Variants in ANKRD13C observed in about 807,000 individuals in gnomAD.
ANKRD13C encodes the protein ankyrin repeat domain-containing protein 13C.
ANKRD13C carries 16 observed loss-of-function variants against 65.5 expected under a neutral mutation model. That is an observed-to-expected ratio of 0.24 (90% CI 0.17 to 0.37). ANKRD13C has a LOEUF of 0.37. Among genes scored for constraint, ANKRD13C ranks in the 10% least tolerant of loss-of-function variants. The pLI is 1.00. For synonymous variants in ANKRD13C, 235 were observed against 238.7 expected (o/e 0.98, Z 0.14); for missense variants, 503 against 655.9 (o/e 0.77, Z 2.55).
intron 8 of ANKRD13C, among the ~76,000 whole-genome samples, chr1:70,294,118 T>C (rs1679975385): frequency 6.6e-6 from 1 of 151,986 alleles, no homozygotes; most frequent in Non-Finnish European, 1.5e-5. Flanking sequence ...TACGACATAC[T>C]AAAGAATGAG....
At chr1:70,285,283 C>G (rs1406588935) in intron 9 of ANKRD13C, among the ~76,000 whole-genome samples, 1 of 151,012 alleles carries the variant, frequency 6.6e-6, no homozygotes, top group Admixed American at 6.6e-5. Flanking sequence ...ACCTCTGCCC[C>G]CTGGGTTCAA....
chr1:70,349,226 C>T lies in ANKRD13C; in HGVS notation c.430+4753G>A, dbSNP rs147953606. Among the ~76,000 whole-genome samples the T allele has an allele frequency of 3.2e-3, 490 of 152,232 alleles. 4 individuals are homozygous for T. Among genetic ancestry groups the T allele is most frequent in the Middle Eastern group, 0.01 (3 of 292 alleles). ...AAAAATTGATTCAGAAAAATCCTTA[C>T]ACTCTGACTATGGAAAAAGGCTTAG... On this transcript the variant is annotated intron_variant, in intron 1 of 12. Coordinates refer to ENST00000370944, the MANE Select transcript of ANKRD13C (RefSeq NM_030816.5).
rs1273559569 is a variant in ANKRD13C at position 70,330,053 on chromosome 1, C to T, written c.473-5096G>A. ...TGCAGTGAGCCGAGATGCACCACTGCACTCCAGCCTGGGTGGCAGGGCGAT... is the reference window on the plus strand; with the variant it reads ...TGCAGTGAGCCGAGATGCACCACTGTACTCCAGCCTGGGTGGCAGGGCGAT... On this transcript the variant is annotated intron_variant, in intron 2 of 12. Transcript: ENST00000370944. Among the ~76,000 whole-genome samples the T allele has an allele frequency of 5.3e-5, 8 of 149,542 alleles. No individual in the cohort carries two copies. The East Asian group carries it at 1.4e-3, about 26-fold the overall frequency.
chr1:70,295,461 TG>T (rs1411327721), intron 8 of ANKRD13C, among the ~76,000 whole-genome samples: 1 of 152,142 alleles, frequency 6.6e-6, no homozygotes, highest in Non-Finnish European at 1.5e-5. Flanking sequence ...TTGGCCAGGC[TG>T]GTCTCGAACT....
At chr1:70,290,763 G>T (rs1286084744) in intron 9 of ANKRD13C, among the ~76,000 whole-genome samples, 1 of 151,706 alleles carries the variant, frequency 6.6e-6, no homozygotes, top group Non-Finnish European at 1.5e-5. Flanking sequence ...TTGCTCTGTT[G>T]CCCAGGCTGG....
intron 11 of ANKRD13C, 137 bp from the exon 12 acceptor site, chr1:70,271,093 T>G: frequency 5.3e-6 from 3 of 567,910 alleles, no homozygotes; most frequent in Non-Finnish European, 6.3e-6. Flanking sequence ...ACAGACTTTA[T>G]TCCTCCTAAC....
intron 2 of ANKRD13C, among the ~76,000 whole-genome samples, chr1:70,332,379 A>T (rs1307897117): frequency 6.6e-6 from 1 of 152,216 alleles, no homozygotes; most frequent in Admixed American, 6.5e-5. Context: ...TTTCTTCTAA[A>T]TACCTTTCAA....
intron 9 of ANKRD13C, among the ~76,000 whole-genome samples, chr1:70,283,329 A>C (rs920652696): frequency 1.3e-5 from 2 of 152,190 alleles, no homozygotes; most frequent in Non-Finnish European, 2.9e-5. Flanking sequence ...TTGGCTCTGT[A>C]ATTGAAATGC....
intron 3 of ANKRD13C, among the ~76,000 whole-genome samples, chr1:70,317,328 C>T (rs1225613183): frequency 6.6e-6 from 1 of 152,094 alleles, no homozygotes; most frequent in East Asian, 1.9e-4. Context: ...AAATACGAAC[C>T]TACATTTCTG....
At chr1:70,274,593 T>C in intron 11 of ANKRD13C, 127 bp downstream of exon 11, 1 of 679,532 alleles carries the variant, frequency 1.5e-6, no homozygotes, top group Non-Finnish European at 2.6e-6. Context: ...GCACACACTA[T>C]CAAGGCAATG....
intron 2 of ANKRD13C, among the ~76,000 whole-genome samples, chr1:70,335,819 G>T (rs767256352): frequency 1.3e-5 from 2 of 150,908 alleles, no homozygotes; most frequent in African/African-American, 2.4e-5. Flanking sequence ...AACCAAGTAA[G>T]GGGAAAAAAA....
rs1185836877 is a variant in ANKRD13C, at chr1:70,312,683, T to C, written c.709+1062A>G. On this transcript the variant is annotated intron_variant, in intron 5 of 12. Coordinates refer to ENST00000370944, the MANE Select transcript of ANKRD13C (RefSeq NM_030816.5). ...CTCTGTCTCCAAAAAAAAAAAAAAA[T>C]TAATTTAGATGCTTCAACAAAAACT... 1.1e-4 allele frequency among the ~76,000 whole-genome samples: 17 copies of C among 148,066 alleles called. No homozygotes were observed. In the South Asian group the frequency reaches 2.0e-3, roughly 17 times the overall value.
At chr1:70,323,106 C>A (rs1681381247) in intron 3 of ANKRD13C, among the ~76,000 whole-genome samples, 1 of 152,142 alleles carries the variant, frequency 6.6e-6, no homozygotes, top group Admixed American at 6.5e-5. Flanking sequence ...GAGGAAGTTT[C>A]TTCAGACCAG....
chr1:70,266,825 T>TTA (rs1260696627), intron 12 of ANKRD13C, among the ~76,000 whole-genome samples: 1 of 152,200 alleles, frequency 6.6e-6, no homozygotes, highest in African/African-American at 2.4e-5. Context: ...TTCGGTTCTT[T>TTA]TATATATATT....
At chr1:70,344,642 T>C (rs968844897) in intron 1 of ANKRD13C, among the ~76,000 whole-genome samples, 1 of 152,106 alleles carries the variant, frequency 6.6e-6, no homozygotes, top group Non-Finnish European at 1.5e-5. Context: ...GACCTAATAA[T>C]AGTTATTTTC....
Position 70,292,428 on chromosome 1 carries a change from C to G in ANKRD13C, c.1175G>C (p.Ser392Thr). 6.3e-7 allele frequency: 1 copy of G among 1,599,554 alleles called. No homozygotes were observed. Among genetic ancestry groups the G allele is most frequent in the Non-Finnish European group, 8.5e-7 (1 of 1,176,392 alleles). Residue 392 changes from serine (S) to threonine (T), a missense_variant, in exon 9 of 13, where the codon AGT becomes ACT. This residue lies in a region of ANKRD13C where 300 missense variants were observed against 478.3 expected (regional missense o/e 0.63). Transcript: ENST00000370944. ...CATTATGTTTCCACCTTTACTCAAA[C>G]TCTCCATGATGGCCTTATTTCGAAG... ...DILRNKAIME[S>T]LSKGGNIMEQ...
chr1:70,346,024 G>T (rs1025980240), intron 1 of ANKRD13C, among the ~76,000 whole-genome samples: 7 of 151,640 alleles, frequency 4.6e-5, no homozygotes, highest in Non-Finnish European at 1.0e-4. Flanking sequence ...TAGAGACAGG[G>T]TCTCACTATG....
At chr1:70,295,404 C>A (rs995138082) in intron 8 of ANKRD13C, among the ~76,000 whole-genome samples, 3 of 151,944 alleles carry the variant, frequency 2.0e-5, no homozygotes, top group Non-Finnish European at 2.9e-5. Flanking sequence ...TGCACCACCA[C>A]GCCCGGGTAA....
chr1:70,353,364 A>G (rs1682834683), intron 1 of ANKRD13C, among the ~76,000 whole-genome samples: 2 of 152,340 alleles, frequency 1.3e-5, no homozygotes, highest in South Asian at 4.1e-4. Flanking sequence ...AACAAGCAAA[A>G]AATCAAATCT....
Sources: gnomAD v4.1 joint callset for allele counts (sites outside exome capture counted in the v4.1 genomes callset) on GRCh38, gnomAD v4.1.1 for gene constraint, gnomAD v4.1.1 regional missense constraint, MANE v1.5 for transcripts, NCBI Gene and HGNC (gene_info 2026-07-23, HGNC 2026-07-21) for gene names.